Variants in NOTCH2 observed in about 807,000 individuals in gnomAD.
The protein encoded by NOTCH2 is neurogenic locus notch homolog protein 2.
NOTCH2 carries 29 observed loss-of-function variants against 235.8 expected under a neutral mutation model. The ratio of observed to expected loss-of-function variants is 0.12; its 90% CI spans 0.09 to 0.17. The LOEUF is 0.17. NOTCH2 is among the 10% of genes least tolerant of loss of function. The pLI is 1.00. For missense variants in NOTCH2, 2,285 were observed against 3,150.2 expected (o/e 0.73, Z 6.57); for synonymous variants, 1,086 against 1,141.5 (o/e 0.95, Z 0.98).
rs184890040 is a variant in NOTCH2 at position 119,983,085 on chromosome 1, G to A, written c.874+3875C>T. On this transcript the variant is annotated intron_variant, in intron 5 of 33. Coordinates refer to ENST00000256646, the MANE Select transcript of NOTCH2 (RefSeq NM_024408.4). ...TATTTAATGGTAAAAAGGAATAGGG[G>A]AAATTAATTTTAATATTATGTTATA... Among the ~76,000 whole-genome samples, 9 of 152,152 alleles carry A rather than the reference G, an allele frequency of 5.9e-5. No individual in the cohort carries two copies. In the East Asian group the frequency reaches 1.7e-3, roughly 29 times the overall value.
chr1:119,976,573 T>C (rs997877977), intron 5 of NOTCH2, among the ~76,000 whole-genome samples: 20 of 151,990 alleles, frequency 1.3e-4, no homozygotes, highest in Admixed American at 1.3e-4. Flanking sequence ...CTCAAAGGCC[T>C]GGTTTCCCTG....
rs767980548 is a variant in NOTCH2 at position 119,923,722 on chromosome 1, A to G, written c.4774T>C (p.Tyr1592His). 3 of 1,614,196 alleles carry G rather than the reference A, an allele frequency of 1.9e-6. No homozygotes were observed. The highest frequency in any genetic ancestry group is 8.5e-7 in the Non-Finnish European group (1 of 1,180,030). Residue 1592 changes from tyrosine to histidine, a missense_variant, in exon 26 of 34, where the codon TAT becomes CAT. Transcript: ENST00000256646. ...ATAGCAGCTGACTTCTCACCATAAT[A>G]GGGGTACACCATGAGTTCCCCCTGG... is the stretch of plus-strand genomic sequence containing the variant. ...DSQGELMVYP[Y>H]YGEKSAAMKK... is the part of the protein sequence containing the mutation.
intron 15 of NOTCH2, among the ~76,000 whole-genome samples, chr1:119,949,861 G>A (rs920583196): frequency 6.8e-4 from 103 of 152,218 alleles, no homozygotes; most frequent in Non-Finnish European, 2.8e-4. Context: ...ACTGCATGCC[G>A]CAACCTGATG....
intron 5 of NOTCH2, among the ~76,000 whole-genome samples, chr1:119,984,387 T>C (rs140145691): frequency 6.6e-6 from 1 of 152,354 alleles, no homozygotes; most frequent in African/African-American, 2.4e-5. Flanking sequence ...TTTAACCCTT[T>C]TGAATACGCA....
intron 2 of NOTCH2, among the ~76,000 whole-genome samples, chr1:120,023,178 C>T (rs1202735449): frequency 6.6e-6 from 1 of 151,858 alleles, no homozygotes; most frequent in Non-Finnish European, 1.5e-5. Flanking sequence ...TGGCTCACGC[C>T]TGTAATCCCA....
chr1:119,923,786 A>G lies in NOTCH2; in HGVS notation c.4710T>C (p.Gly1570=), dbSNP rs1235748443. 6.2e-7 allele frequency: 1 copy of G among 1,614,126 alleles called. No individual in the cohort carries two copies. Among genetic ancestry groups the G allele is most frequent in the East Asian group, 2.2e-5 (1 of 44,866 alleles). The change falls in exon 26 of 34, where the codon GGT becomes GGC. Residue 1570 remains glycine (G), a synonymous_variant. Coordinates refer to ENST00000256646, the MANE Select transcript of NOTCH2 (RefSeq NM_024408.4). ...QDARSFLRAL[G]TLLHTNLRIK... ...TGCGCAGGTTGGTGTGGAGCAGGGT[A>G]CCCAGTGCCCGCAAGAAGCTGCGAG...
In NOTCH2 at chr1:119,969,503, C is replaced by A; in HGVS notation, c.1108+8G>T. On this transcript the variant is annotated splice_region_variant and intron_variant, in intron 6 of 33. Transcript: ENST00000256646. ...CCCTGTTTCTAGATCCGTCCTTCTG[C>A]TACCTACCTGCCTTCCCCTCTGGGC... 4.3e-6 allele frequency: 7 copies of A among 1,612,698 alleles called. No homozygotes were observed. The highest frequency in any genetic ancestry group is 5.9e-6 in the Non-Finnish European group (7 of 1,179,236).
intron 32 of NOTCH2, 120 bp from the exon 33 acceptor site, chr1:119,917,882 G>T: frequency 9.4e-6 from 7 of 741,598 alleles, no homozygotes; most frequent in Non-Finnish European, 1.7e-5. Flanking sequence ...CTCTGTAGGG[G>T]TCTATAGGAA....
intron 4 of NOTCH2, among the ~76,000 whole-genome samples, chr1:119,988,597 T>A (rs1652109475): frequency 6.6e-6 from 1 of 152,144 alleles, no homozygotes; most frequent in Non-Finnish European, 1.5e-5. Context: ...ATCTATGGGA[T>A]CTACTAGGTC....
In NOTCH2 at chr1:119,949,100, G is replaced by C; in HGVS notation, c.2506C>G (p.Pro836Ala). The C allele has an allele frequency of 1.2e-6, 2 of 1,614,182 alleles. No individual in the cohort carries two copies. Among genetic ancestry groups the C allele is most frequent in the Non-Finnish European group, 1.7e-6 (2 of 1,180,026 alleles). Residue 836 changes from proline to alanine, a missense_variant, in exon 16 of 34, where the codon CCC (proline) becomes GCC (alanine). This residue lies in a region of NOTCH2 where 1,173 missense variants were observed against 1,515.3 expected (regional missense o/e 0.77). Coordinates refer to ENST00000256646, the MANE Select transcript of NOTCH2 (RefSeq NM_024408.4). Reference protein sequence around the residue: ...TGKNCQTVLAPCSPNPCENAA... With the variant: ...TGKNCQTVLAACSPNPCENAA... ...TTCTCACAAGGGTTTGGGGAACAGG[G>C]AGCCAATACTGTCTGACAATTCTTG...
chr1:119,916,314 A>T lies in NOTCH2; in HGVS notation c.6408T>A (p.Ser2136Arg). 6.2e-7 allele frequency: 1 copy of T among 1,613,092 alleles called. No individual in the cohort carries two copies. The highest frequency in any genetic ancestry group is 8.5e-7 in the Non-Finnish European group (1 of 1,179,092). Residue 2136 changes from serine to arginine, a missense_variant, in exon 34 of 34, where the codon AGT becomes AGA. By Grantham distance (110) the Ser-to-Arg change is moderately radical. Transcript: ENST00000256646. ...AACTCTCAGACAGTTGGACCTTCTCACTCAGAGACTTCTTCCTCCTACTAC... is the reference window on the plus strand; with the variant it reads ...AACTCTCAGACAGTTGGACCTTCTCTCTCAGAGACTTCTTCCTCCTACTAC... ...AKGSRRKKSL[S>R]EKVQLSESSV...
At position 119,914,061 on chromosome 1, in the gene NOTCH2, A is replaced by G. The variant is rs1165939078; in HGVS notation, c.*1245T>C. The G allele has an allele frequency of 4.3e-6, 1 of 233,180 alleles. No individual in the cohort carries two copies. The highest frequency in any genetic ancestry group is 8.5e-6 in the Non-Finnish European group (1 of 118,048). The allele number at this position is 233,180 out of a possible 1,614,324, so 14.4% of individuals were successfully genotyped here. On this transcript the variant is annotated 3_prime_UTR_variant, in exon 34 of 34. Transcript: ENST00000256646. The stretch of plus-strand genomic sequence containing the variant: ...AATCAGTAGAGACTGATCATCTGAC[A>G]AACGGAAGACAACTGTCACTGGGTC...
At chr1:119,942,047 G>C (rs1650082418) in intron 17 of NOTCH2, among the ~76,000 whole-genome samples, 1 of 152,106 alleles carries the variant, frequency 6.6e-6, no homozygotes, top group Admixed American at 6.5e-5. Context: ...TCAAATATGT[G>C]CCCCAATACA....
chr1:120,024,997 C>G (rs1485925559), intron 2 of NOTCH2, among the ~76,000 whole-genome samples: 1 of 151,164 alleles, frequency 6.6e-6, no homozygotes, highest in Admixed American at 6.7e-5. Context: ...CCCACATTTA[C>G]AGTTTTGTTT....
intron 28 of NOTCH2, among the ~76,000 whole-genome samples, chr1:119,922,026 C>G (rs1557804811): frequency 6.6e-6 from 1 of 152,148 alleles, no homozygotes; most frequent in Non-Finnish European, 1.5e-5. Context: ...CACCTCAACA[C>G]AGAAGCTGGG....
In NOTCH2 at chr1:119,922,646, C is replaced by T. The variant is rs587748556; in HGVS notation, c.4992G>A (p.Val1664=). Reference sequence around the variant, plus strand: ...ACCAGTGCCACTCACTGACGACAGACACAAGAGGGTATGACAGGGTCCCCT... The same window carrying T: ...ACCAGTGCCACTCACTGACGACAGATACAAGAGGGTATGACAGGGTCCCCT... ...AIQGTLSYPL[V]SVVSESLTPE... is the part of the protein sequence containing the mutation. Residue 1664 remains valine (V), a synonymous_variant, in exon 27 of 34, where the codon GTG becomes GTA. Transcript: ENST00000256646. The T allele has an allele frequency of 2.3e-5, 37 of 1,614,102 alleles. No individual in the cohort carries two copies. The Admixed American group carries it at 4.7e-4, about 20-fold the overall frequency.
intron 22 of NOTCH2, among the ~76,000 whole-genome samples, chr1:119,934,390 A>G (rs1249641391): frequency 2.0e-5 from 3 of 152,228 alleles, no homozygotes; most frequent in African/African-American, 7.2e-5. Context: ...AGCTATCACC[A>G]GAATCGTAGC....
chr1:120,014,090 T>G (rs1398891471), intron 2 of NOTCH2, among the ~76,000 whole-genome samples: 8 of 151,476 alleles, frequency 5.3e-5, no homozygotes, highest in Admixed American at 6.5e-5. Context: ...AACTGTCTCT[T>G]CAATGTCTCT....
intron 5 of NOTCH2, among the ~76,000 whole-genome samples, chr1:119,980,655 G>A (rs1487600888): frequency 6.6e-6 from 1 of 152,032 alleles, no homozygotes; most frequent in Non-Finnish European, 1.5e-5. Context: ...TTATATTTGA[G>A]TCTCCTGGTT....
Sources: allele counts gnomAD v4.1 joint callset (sites outside exome capture counted in the v4.1 genomes callset), GRCh38; gene constraint gnomAD v4.1.1; regional missense constraint gnomAD v4.1.1; transcripts MANE v1.5; gene names NCBI Gene and HGNC (gene_info 2026-07-23, HGNC 2026-07-21).